CSMD1: variants seen among roughly 807,000 people sequenced by gnomAD.
CSMD1 encodes the protein CUB and Sushi multiple domains 1, also known as CUB and sushi domain-containing protein 1.
A neutral mutation model predicts 417.5 loss-of-function variants in CSMD1; 213 were observed. The observed-to-expected ratio is 0.51, with a 90% CI of 0.46 to 0.57. The LOEUF (loss-of-function observed/expected upper bound fraction) is 0.57. CSMD1 is among the 20% of genes least tolerant of loss of function. The probability of loss-of-function intolerance (pLI) is 0.00; values close to 1 mark genes in which losing one functional copy is unlikely to be tolerated. For missense variants in CSMD1, 6,923 were observed against 4,529.7 expected, an observed-to-expected ratio of 1.53 and a Z score of -15.17; for synonymous variants, 2,862 against 1,736.8, an observed-to-expected ratio of 1.65 and a Z score of -16.11.
intron 3 of CSMD1, among the ~76,000 whole-genome samples, chr8:4,358,171 G>A (rs1044085399): frequency 7.2e-5 from 11 of 152,152 alleles, no homozygotes; most frequent in African/African-American, 1.9e-4. Context: ...TTATGATGAC[G>A]TTCACTTTAT....
intron 5 of CSMD1, among the ~76,000 whole-genome samples, chr8:3,844,569 A>G (rs1003274429): frequency 2.0e-5 from 3 of 152,164 alleles, no homozygotes; most frequent in African/African-American, 7.2e-5. Flanking sequence ...TAGGAAAGTA[A>G]TAACTAGAGG....
intron 2 of CSMD1, among the ~76,000 whole-genome samples, chr8:4,612,395 C>A (rs756938544): frequency 5.3e-5 from 8 of 152,212 alleles, no homozygotes; most frequent in Middle Eastern, 6.8e-3. Context: ...CAAGTCTACA[C>A]TGGAATTCCA....
intron 52 of CSMD1, among the ~76,000 whole-genome samples, chr8:3,001,440 G>A (rs1807398392): frequency 6.6e-6 from 1 of 151,952 alleles, no homozygotes; most frequent in African/African-American, 2.4e-5. Flanking sequence ...AAATATACAG[G>A]CTGAAGAGTA....
At chr8:4,195,576 G>A (rs989640179) in intron 3 of CSMD1, among the ~76,000 whole-genome samples, 1 of 152,134 alleles carries the variant, frequency 6.6e-6, no homozygotes, top group Non-Finnish European at 1.5e-5. Flanking sequence ...TATGGTAGAG[G>A]TGAGCGTTGT....
chr8:4,787,597 A>G lies in CSMD1; in HGVS notation c.86-150039T>C. The G allele has an allele frequency of 1.9e-6, 3 of 1,542,924 alleles. No individual in the cohort carries two copies. The African/African-American group carries it at 4.1e-5, about 21-fold the overall frequency. On this transcript the variant is annotated intron_variant, in intron 1 of 69. Transcript: ENST00000635120. ...TTGCACCCCAGTGCGAAATGATTCC[A>G]ATTGAATGGGTTTGCAGAAGAATAG... is the stretch of plus-strand genomic sequence containing the variant.
chr8:3,633,857 C>T (rs181971849), intron 7 of CSMD1, among the ~76,000 whole-genome samples: 6 of 152,248 alleles, frequency 3.9e-5, no homozygotes, highest in Admixed American at 1.3e-4. Flanking sequence ...CTGTGAACAT[C>T]ATAGACACAG....
At chr8:4,587,657 A>G (rs75557185) in intron 2 of CSMD1, among the ~76,000 whole-genome samples, 116 of 152,294 alleles carry the variant, frequency 7.6e-4, no homozygotes, top group Non-Finnish European at 1.4e-3. Flanking sequence ...ACTGAAGAGA[A>G]CTATGTCTTA....
chr8:4,437,390 A>C (rs1023792241), intron 2 of CSMD1, among the ~76,000 whole-genome samples: 2 of 152,220 alleles, frequency 1.3e-5, no homozygotes, highest in Non-Finnish European at 2.9e-5. Flanking sequence ...AACTTACTGT[A>C]ATCATGACTA....
intron 12 of CSMD1, among the ~76,000 whole-genome samples, chr8:3,456,946 A>G (rs370723742): frequency 2.0e-5 from 3 of 151,368 alleles, no homozygotes; most frequent in East Asian, 3.9e-4. Context: ...GCACTGTCTC[A>G]CCCTACACAC....
At chr8:3,507,489 G>A (rs1796877491) in intron 10 of CSMD1, among the ~76,000 whole-genome samples, 1 of 152,148 alleles carries the variant, frequency 6.6e-6, no homozygotes, top group Non-Finnish European at 1.5e-5. Flanking sequence ...CTTTATAGCA[G>A]CATGATTTAT....
chr8:4,914,048 C>G (rs1018101497), intron 1 of CSMD1, among the ~76,000 whole-genome samples: 1 of 152,088 alleles, frequency 6.6e-6, no homozygotes, highest in Non-Finnish European at 1.5e-5. Context: ...CCTGAAGAAA[C>G]AAATCTTAGT....
chr8:3,073,612 C>G (rs898499473), intron 49 of CSMD1, among the ~76,000 whole-genome samples: 1 of 151,978 alleles, frequency 6.6e-6, no homozygotes, highest in African/African-American at 2.4e-5. Flanking sequence ...TTTTCTAGGC[C>G]ACAGTTCATA....
chr8:4,706,875 G>C (rs142293973), intron 1 of CSMD1, among the ~76,000 whole-genome samples: 3 of 152,222 alleles, frequency 2.0e-5, no homozygotes, highest in Non-Finnish European at 2.9e-5. Flanking sequence ...AGCAAGGGCA[G>C]TTCAGTGAAA....
At chr8:3,099,755 T>C (rs1368274838) in intron 46 of CSMD1, among the ~76,000 whole-genome samples, 1 of 152,210 alleles carries the variant, frequency 6.6e-6, no homozygotes, top group African/African-American at 2.4e-5. Context: ...GCCATTCTTA[T>C]TCCTTTCATA....
chr8:3,162,578 G>A (rs1017226133), intron 37 of CSMD1, among the ~76,000 whole-genome samples: 1 of 151,952 alleles, frequency 6.6e-6, no homozygotes, highest in Admixed American at 6.6e-5. Context: ...TATACATATT[G>A]TAAAAAGTCT....
intron 5 of CSMD1, among the ~76,000 whole-genome samples, chr8:3,873,052 A>G (rs1319093799): frequency 6.6e-6 from 1 of 152,170 alleles, no homozygotes; most frequent in African/African-American, 2.4e-5. Flanking sequence ...ATCAAACAAC[A>G]ACAGATGCTG....
chr8:3,875,614 G>T (rs769663167), intron 5 of CSMD1, among the ~76,000 whole-genome samples: 1 of 152,148 alleles, frequency 6.6e-6, no homozygotes, highest in Non-Finnish European at 1.5e-5. Flanking sequence ...GGAAGAGGAG[G>T]AGGACCAGAG....
rs1797266862 is a variant in CSMD1 at position 3,750,242 on chromosome 8, A to G, written c.931+3688T>C. ...ACCATAAATGATAAACGTGACTACA[A>G]TAACGTTAAAAAGATTATAATATAT... is the stretch of plus-strand genomic sequence containing the variant. On this transcript the variant is annotated intron_variant, in intron 6 of 69. Coordinates refer to ENST00000635120, the MANE Select transcript of CSMD1 (RefSeq NM_033225.6). Among the ~76,000 whole-genome samples, 4 of 152,118 alleles carry G rather than the reference A, an allele frequency of 2.6e-5. 1 individual carries two copies. The South Asian group carries it at 8.3e-4, about 32-fold the overall frequency.
At chr8:3,649,095 G>A (rs1262671408) in intron 7 of CSMD1, among the ~76,000 whole-genome samples, 1 of 152,122 alleles carries the variant, frequency 6.6e-6, no homozygotes, top group Non-Finnish European at 1.5e-5. Context: ...CTAGCACTCT[G>A]TCTTACTCAG....
Sources: allele counts gnomAD v4.1 joint callset (sites outside exome capture counted in the v4.1 genomes callset), GRCh38; gene constraint gnomAD v4.1.1; transcripts MANE v1.5; gene names NCBI Gene and HGNC (gene_info 2026-07-23, HGNC 2026-07-21).